SMURF2: variants seen among roughly 807,000 people sequenced by gnomAD.
The protein encoded by SMURF2 is SMAD specific E3 ubiquitin protein ligase 2, also known as E3 ubiquitin-protein ligase SMURF2.
In SMURF2, 48 loss-of-function variants were observed where a neutral mutation model predicts 109.6. That is an observed-to-expected ratio of 0.44 (90% CI 0.35 to 0.56). SMURF2 has a LOEUF of 0.56. SMURF2 is among the 20% of genes least tolerant of loss of function. SMURF2 has a pLI of 0.01. For missense variants in SMURF2, 575 were observed against 909.0 expected (o/e 0.63, Z 4.72); for synonymous variants, 288 against 317.1 (o/e 0.91, Z 0.97).
chr17:64,626,360 G>A (rs1409901590), intron 1 of SMURF2, among the ~76,000 whole-genome samples: 1 of 151,710 alleles, frequency 6.6e-6, no homozygotes, highest in Non-Finnish European at 1.5e-5. Flanking sequence ...AAATATACTT[G>A]GAACTTTTAC....
chr17:64,545,530 G>C lies in SMURF2; in HGVS notation c.*318C>G, dbSNP rs531561327. Reference sequence around the variant, plus strand: ...GAATAGATTACCTTTTATAAAAATAGTAGTAGTCTTTAAGTGTAGAATACT... The same window carrying C: ...GAATAGATTACCTTTTATAAAAATACTAGTAGTCTTTAAGTGTAGAATACT... On this transcript the variant is annotated 3_prime_UTR_variant, in exon 19 of 19. Coordinates refer to ENST00000262435, the MANE Select transcript of SMURF2 (RefSeq NM_022739.4). 2.2e-5 allele frequency: 4 copies of C among 184,142 alleles called. No individual in the cohort carries two copies. The highest frequency in any genetic ancestry group is 4.5e-5 in the Non-Finnish European group (4 of 88,358). The allele number at this position is 184,142 out of a possible 1,614,324, so 11.4% of individuals were successfully genotyped here.
chr17:64,586,262 G>T, intron 5 of SMURF2, 92 bp from the exon 6 acceptor site: 2 of 726,252 alleles, frequency 2.8e-6, no homozygotes, highest in Non-Finnish European at 2.2e-6. Flanking sequence ...ATCTGACTTA[G>T]CTTATTTTAA....
intron 1 of SMURF2, among the ~76,000 whole-genome samples, chr17:64,607,486 C>T (rs573146213): frequency 1.6e-4 from 24 of 151,506 alleles, no homozygotes; most frequent in East Asian, 3.9e-4. Context: ...ATTAGCTGGG[C>T]GTGGTGGCGT....
intron 10 of SMURF2, 161 bp from the exon 11 acceptor site, chr17:64,563,127 C>A (rs1969248988): frequency 8.8e-6 from 5 of 569,576 alleles, no homozygotes; most frequent in Middle Eastern, 4.8e-4. Context: ...CAGCAATAAA[C>A]CAGCTACAAA....
At chr17:64,589,376 C>A (rs1424180857) in intron 5 of SMURF2, among the ~76,000 whole-genome samples, 1 of 150,894 alleles carries the variant, frequency 6.6e-6, no homozygotes. Flanking sequence ...TGTTGTATGA[C>A]TGAATTTATT....
chr17:64,644,572 G>C (rs1970534849), intron 1 of SMURF2, among the ~76,000 whole-genome samples: 1 of 146,282 alleles, frequency 6.8e-6, no homozygotes, highest in Non-Finnish European at 1.5e-5. Flanking sequence ...CTCCAGCCTA[G>C]GTGACAAGAG....
At chr17:64,588,924 G>A (rs1298404724) in intron 5 of SMURF2, among the ~76,000 whole-genome samples, 2 of 152,126 alleles carry the variant, frequency 1.3e-5, no homozygotes, top group Admixed American at 1.3e-4. Flanking sequence ...TGCCCGGCCC[G>A]GGAATACAGT....
chr17:64,561,667 T>C (rs1598271977), intron 11 of SMURF2, 64 bp from the exon 12 acceptor site: 100 of 1,208,604 alleles, frequency 8.3e-5, no homozygotes, highest in South Asian at 2.7e-5. Flanking sequence ...ACTTAATCTC[T>C]CCCTGCCAAT....
At chr17:64,614,837 T>C (rs1333781176) in intron 1 of SMURF2, among the ~76,000 whole-genome samples, 1 of 152,230 alleles carries the variant, frequency 6.6e-6, no homozygotes, top group East Asian at 1.9e-4. Flanking sequence ...CTCTCAGAGC[T>C]CACAGGTCAG....
At chr17:64,608,056 G>C (rs887417484) in intron 1 of SMURF2, among the ~76,000 whole-genome samples, 27 of 146,602 alleles carry the variant, frequency 1.8e-4, no homozygotes, top group African/African-American at 6.0e-4. Flanking sequence ...TCTGCTTATA[G>C]AGTCATAAAC....
intron 9 of SMURF2, among the ~76,000 whole-genome samples, chr17:64,574,828 G>A (rs1259079267): frequency 1.3e-5 from 2 of 152,066 alleles, no homozygotes; most frequent in Non-Finnish European, 2.9e-5. Context: ...ACCAACAGTG[G>A]TGCTGAAATC....
At chr17:64,589,220 G>A (rs1969714394) in intron 5 of SMURF2, among the ~76,000 whole-genome samples, 1 of 152,000 alleles carries the variant, frequency 6.6e-6, no homozygotes, top group African/African-American at 2.4e-5. Flanking sequence ...TACTCCAGTA[G>A]GTATACTTCT....
At chr17:64,631,281 G>GGAGAGA (rs1468147317) in intron 1 of SMURF2, among the ~76,000 whole-genome samples, 1 of 4,412 alleles carries the variant, frequency 2.3e-4, no homozygotes, top group African/African-American at 7.2e-4. Context: ...AGGGGGGGGG[G>GGAGAGA]GAGAGAGAGA....
rs945814966 is a variant in SMURF2 at position 64,661,733 on chromosome 17, A to T, written c.52+96T>A. The T allele has an allele frequency of 2.0e-5, 18 of 905,446 alleles. No homozygotes were observed. The African/African-American group carries it at 3.2e-4, about 16-fold the overall frequency. 56.1% of individuals were successfully genotyped at this position (905,446 alleles called of 1,614,324 possible). On this transcript the variant is annotated intron_variant, in intron 1 of 18. Coordinates refer to ENST00000262435, the MANE Select transcript of SMURF2 (RefSeq NM_022739.4). ...CCATTCCTCCGACCCCCAACTCATC[A>T]TTGATCGCGACCCTGGCCCTTCCCA...
chr17:64,635,798 G>A (rs1020154294), intron 1 of SMURF2, among the ~76,000 whole-genome samples: 1 of 152,184 alleles, frequency 6.6e-6, no homozygotes, highest in Admixed American at 6.5e-5. Context: ...ACAAGATTTT[G>A]TGTGAACATA....
At chr17:64,601,403 A>G (rs1969893755) in intron 2 of SMURF2, among the ~76,000 whole-genome samples, 1 of 152,200 alleles carries the variant, frequency 6.6e-6, no homozygotes, top group South Asian at 2.1e-4. Flanking sequence ...ACAATTCTCA[A>G]AAAAAGATAT....
chr17:64,609,462 A>C (rs1272425596), intron 1 of SMURF2, among the ~76,000 whole-genome samples: 1 of 152,218 alleles, frequency 6.6e-6, no homozygotes, highest in Non-Finnish European at 1.5e-5. Flanking sequence ...CTCAGAAATA[A>C]CACCACACAT....
intron 10 of SMURF2, among the ~76,000 whole-genome samples, chr17:64,566,173 G>A (rs902036016): frequency 2.0e-5 from 3 of 150,238 alleles, no homozygotes; most frequent in African/African-American, 7.5e-5. Flanking sequence ...ACTTCTATCC[G>A]ACATATCCTG....
chr17:64,608,044 A>C (rs1555689222), intron 1 of SMURF2, among the ~76,000 whole-genome samples: 1 of 148,206 alleles, frequency 6.7e-6, no homozygotes, highest in African/African-American at 2.5e-5. Context: ...TAAATAAATA[A>C]ATCTGCTTAT....
Sources: gnomAD v4.1 joint callset for allele counts (sites outside exome capture counted in the v4.1 genomes callset) on GRCh38, gnomAD v4.1.1 for gene constraint, MANE v1.5 for transcripts, NCBI Gene and HGNC (gene_info 2026-07-23, HGNC 2026-07-21) for gene names.